Variants in DOCK9 observed in about 807,000 individuals in gnomAD.
DOCK9 encodes the protein dedicator of cytokinesis 9, also known as dedicator of cytokinesis protein 9.
A neutral mutation model predicts 263.3 loss-of-function variants in DOCK9; 89 were observed. The ratio of observed to expected loss-of-function variants is 0.34; its 90% CI spans 0.28 to 0.40. DOCK9 has a LOEUF of 0.40. Among genes scored for constraint, DOCK9 ranks in the 10% least tolerant of loss-of-function variants. DOCK9 has a pLI of 1.00. For synonymous variants in DOCK9, 976 were observed against 973.1 expected, an observed-to-expected ratio of 1.00 and a Z score of -0.06; for missense variants, 2,140 against 2,603.4, an observed-to-expected ratio of 0.82 and a Z score of 3.87.
At chr13:98,800,597 G>T (rs2090004008) in intron 49 of DOCK9, 119 bp from the exon 50 acceptor site, 6 of 1,242,226 alleles carry the variant, frequency 4.8e-6, no homozygotes, top group Non-Finnish European at 6.5e-6. Context: ...TTTAAAATAA[G>T]GAACCCAAAG....
chr13:98,960,978 C>G (rs1438396572), intron 1 of DOCK9, among the ~76,000 whole-genome samples: 3 of 152,200 alleles, frequency 2.0e-5, no homozygotes, highest in African/African-American at 7.2e-5. Context: ...ATTGTATACA[C>G]AGCTTTGAGG....
In DOCK9 at chr13:98,930,199, TC is replaced by T. The variant is rs1438765587; in HGVS notation, c.301del (p.Glu101LysfsTer23). ...AACAAACAAGCTCTGTGCTTCCTCT[TC>T]CGCCTTCGCAGGCACTGTTGAGCAT... ...YICSTVPAKA[E>X]EEAQSLFVTE... On this transcript the variant is annotated frameshift_variant, in exon 3 of 53. Transcript: ENST00000682017. LOFTEE classifies it high-confidence loss of function. 1.2e-6 allele frequency: 2 copies of T among 1,611,830 alleles called. No homozygotes were observed. The highest frequency in any genetic ancestry group is 8.5e-7 in the Non-Finnish European group (1 of 1,179,070).
intron 1 of DOCK9, among the ~76,000 whole-genome samples, chr13:99,062,180 T>C (rs546881478): frequency 1.3e-5 from 2 of 152,292 alleles, no homozygotes; most frequent in East Asian, 1.9e-4. Flanking sequence ...CCCTAGTTCA[T>C]TGTAAAATGT....
intron 37 of DOCK9, chr13:98,846,565 C>T (rs1466046593): frequency 7.4e-7 from 1 of 1,352,032 alleles, no homozygotes; most frequent in East Asian, 4.6e-5. Context: ...AACTTGTCAG[C>T]AGTCAAGTAG....
chr13:99,001,613 G>A (rs1595876605), intron 1 of DOCK9, among the ~76,000 whole-genome samples: 1 of 152,308 alleles, frequency 6.6e-6, no homozygotes, highest in Non-Finnish European at 1.5e-5. Flanking sequence ...AACTTAATTA[G>A]CTCTCACAGT....
intron 30 of DOCK9, among the ~76,000 whole-genome samples, chr13:98,865,590 A>G (rs542658817): frequency 1.3e-5 from 2 of 152,274 alleles, no homozygotes; most frequent in African/African-American, 4.8e-5. Context: ...ATACCCTAGA[A>G]GTCTATAAGA....
chr13:98,913,889 G>A (rs1452171012), intron 9 of DOCK9, among the ~76,000 whole-genome samples: 8 of 151,984 alleles, frequency 5.3e-5, no homozygotes, highest in African/African-American at 1.7e-4. Context: ...AGAGTGACCC[G>A]AAACAATTTC....
chr13:98,976,908 T>C (rs889573946), intron 1 of DOCK9, among the ~76,000 whole-genome samples: 1 of 149,578 alleles, frequency 6.7e-6, no homozygotes, highest in Non-Finnish European at 1.5e-5. Context: ...AAACACTTCA[T>C]GGTAACATCA....
chr13:98,853,960 G>A (rs1440226230), intron 34 of DOCK9, among the ~76,000 whole-genome samples: 1 of 152,204 alleles, frequency 6.6e-6, no homozygotes, highest in Non-Finnish European at 1.5e-5. Context: ...AGTGCCTGTG[G>A]TGCTGCTGTG....
At chr13:99,085,613 C>T (rs1419326023) in intron 1 of DOCK9, among the ~76,000 whole-genome samples, 1 of 152,142 alleles carries the variant, frequency 6.6e-6, no homozygotes, top group African/African-American at 2.4e-5. Context: ...ACTAAATTAG[C>T]GAGGGTTCCC....
At chr13:98,807,637 A>C (rs9557078) in intron 48 of DOCK9, 24 bp downstream of exon 48, 653,988 of 1,568,862 alleles carry the variant, frequency 0.42, 140,170 homozygotes, top group East Asian at 0.68. Flanking sequence ...CATTGCTATG[A>C]AACTTATCCA....
At chr13:98,815,735 C>T (rs1487126374) in intron 45 of DOCK9, among the ~76,000 whole-genome samples, 1 of 152,166 alleles carries the variant, frequency 6.6e-6, no homozygotes, top group East Asian at 1.9e-4. Context: ...CCCACCTTGG[C>T]CTCCCAAAGT....
Position 98,800,585 on chromosome 13 carries a change from T to C in DOCK9, c.5726-107A>G, listed in dbSNP as rs1230911717. 5 of 1,326,976 alleles carry C rather than the reference T, an allele frequency of 3.8e-6. No individual in the cohort carries two copies. The Middle Eastern group carries it at 7.9e-4, about 209-fold the overall frequency. 82.2% of individuals were successfully genotyped at this position (1,326,976 alleles called of 1,614,324 possible). On this transcript the variant is annotated intron_variant, in intron 49 of 52. Coordinates refer to ENST00000682017, the MANE Select transcript of DOCK9 (RefSeq NM_001366683.2). ...ATTATACATGTCATTATTACTTACA[T>C]TTTTAAAATAAGGAACCCAAAGCTT...
chr13:98,924,092 G>A (rs1302551243), intron 4 of DOCK9, among the ~76,000 whole-genome samples: 1 of 152,198 alleles, frequency 6.6e-6, no homozygotes, highest in East Asian at 1.9e-4. Flanking sequence ...TTTCAACCCT[G>A]AGACTATGAA....
At chr13:98,893,971 A>G (rs1284417098) in intron 15 of DOCK9, among the ~76,000 whole-genome samples, 1 of 152,138 alleles carries the variant, frequency 6.6e-6, no homozygotes, top group Non-Finnish European at 1.5e-5. Flanking sequence ...CTTCACACCA[A>G]TGCCCTCCTG....
intron 8 of DOCK9, 40 bp downstream of exon 8, chr13:98,915,289 C>T: frequency 1.9e-6 from 3 of 1,593,880 alleles, no homozygotes; most frequent in Non-Finnish European, 2.6e-6. Flanking sequence ...AAGACACCCA[C>T]AGAGTGTGTA....
Position 98,794,629 on chromosome 13 carries a change from C to T in DOCK9, c.6276G>A (p.Val2092=), listed in dbSNP as rs776673614. ...VHGMTSSSSV[V] The stretch of plus-strand genomic sequence containing the variant: ...ACACACGGGCCATGAGATGTAATCA[C>T]ACGACCGAAGACGAGCTGGTCATCC... The change falls in exon 53 of 53, where the codon GTG becomes GTA. Residue 2092 remains valine (V), a synonymous_variant. Transcript: ENST00000682017. 1.3e-5 allele frequency: 20 copies of T among 1,590,250 alleles called. No individual in the cohort carries two copies. The highest frequency in any genetic ancestry group is 3.4e-5 in the South Asian group (3 of 87,364).
chr13:98,830,337 C>T (rs1345562374), intron 41 of DOCK9, among the ~76,000 whole-genome samples: 13 of 152,162 alleles, frequency 8.5e-5, no homozygotes, highest in Non-Finnish European at 1.6e-4. Flanking sequence ...ACTCAATCTC[C>T]TCTTCCTTCT....
Position 98,920,997 on chromosome 13 carries a change from G to A in DOCK9, c.674C>T (p.Pro225Leu). The A allele has an allele frequency of 6.2e-7, 1 of 1,607,008 alleles. No homozygotes were observed. The highest frequency in any genetic ancestry group is 8.5e-7 in the Non-Finnish European group (1 of 1,176,264). ...GGAATCCAGAAATATTGATCCTTTT[G>A]GTTCTTTGGAGATCTTTTCATCTTT... Reference protein sequence around the residue: ...FYKDEKISKEPKGSIFLDSCM... With the variant: ...FYKDEKISKELKGSIFLDSCM... The change falls in exon 7 of 53, where the codon CCA becomes CTA. Residue 225 changes from proline to leucine, a missense_variant. By Grantham distance (98) the Pro-to-Leu change is moderately conservative. Coordinates refer to ENST00000682017, the MANE Select transcript of DOCK9 (RefSeq NM_001366683.2).
Sources: gnomAD v4.1 joint callset for allele counts (sites outside exome capture counted in the v4.1 genomes callset) on GRCh38, gnomAD v4.1.1 for gene constraint, MANE v1.5 for transcripts, NCBI Gene and HGNC (gene_info 2026-07-23, HGNC 2026-07-21) for gene names.